PCDHA2: variants seen among roughly 807,000 people sequenced by gnomAD.
PCDHA2 encodes protocadherin alpha-2.
Under a neutral mutation model 66.0 loss-of-function variants are expected in PCDHA2, and 58 were observed. The ratio of observed to expected loss-of-function variants is 0.88; its 90% CI spans 0.71 to 1.09. PCDHA2 has a LOEUF of 1.09. PCDHA2 is among the 50% of genes least tolerant of loss of function. PCDHA2 has a pLI of 0.00. For missense variants in PCDHA2, 1,267 were observed against 1,242.3 expected (o/e 1.02, Z -0.30); for synonymous variants, 634 against 554.0 (o/e 1.14, Z -2.03).
chr5:140,915,960 G>A (rs1554197207), intron 1 of PCDHA2, among the ~76,000 whole-genome samples: 1 of 152,112 alleles, frequency 6.6e-6, no homozygotes, highest in Admixed American at 6.5e-5. Flanking sequence ...TTAGAAATTT[G>A]CCTGATATTT....
intron 1 of PCDHA2, among the ~76,000 whole-genome samples, chr5:140,886,431 ATTTG>A (rs1272820447): frequency 6.6e-6 from 1 of 152,012 alleles, no homozygotes; most frequent in East Asian, 1.9e-4. Context: ...ATTTCTATTC[ATTTG>A]TTTGTACTAA....
At chr5:140,877,155 C>T in intron 1 of PCDHA2, 2 of 1,613,798 alleles carry the variant, frequency 1.2e-6, no homozygotes, top group Non-Finnish European at 1.7e-6. Context: ...AGAACGACAA[C>T]GCGCCGGCAC....
chr5:140,886,956 A>T (rs1007882657), intron 1 of PCDHA2, among the ~76,000 whole-genome samples: 1 of 152,090 alleles, frequency 6.6e-6, no homozygotes, highest in Non-Finnish European at 1.5e-5. Context: ...TTAGACATTT[A>T]GCAACGAAAT....
intron 1 of PCDHA2, chr5:140,866,970 A>T (rs545469392): frequency 6.6e-6 from 1 of 152,296 alleles, no homozygotes; most frequent in African/African-American, 2.4e-5. Flanking sequence ...GTGACATCTG[A>T]AATATCACAG....
At chr5:140,975,938 T>C (rs2096690603) in intron 1 of PCDHA2, among the ~76,000 whole-genome samples, 1 of 152,160 alleles carries the variant, frequency 6.6e-6, no homozygotes, top group Admixed American at 6.5e-5. Context: ...TTTGAAGCAA[T>C]AGGACATATT....
chr5:140,808,972 C>T, intron 1 of PCDHA2: 1 of 1,613,608 alleles, frequency 6.2e-7, no homozygotes, highest in Admixed American at 1.7e-5. Flanking sequence ...CAAAGGTGCG[C>T]GCGGTGGATG....
chr5:140,820,061 G>T (rs1163910320), intron 1 of PCDHA2, among the ~76,000 whole-genome samples: 1 of 151,854 alleles, frequency 6.6e-6, no homozygotes, highest in Non-Finnish European at 1.5e-5. Context: ...ATAGAAAGTG[G>T]CTAACATCAG....
At chr5:140,893,657 A>T (rs1046030357) in intron 1 of PCDHA2, among the ~76,000 whole-genome samples, 19 of 152,126 alleles carry the variant, frequency 1.2e-4, no homozygotes, top group Non-Finnish European at 2.2e-4. Context: ...TGATAGTTTT[A>T]AAAAATTTCA....
intron 3 of PCDHA2, among the ~76,000 whole-genome samples, chr5:141,002,404 C>T (rs1167193365): frequency 2.0e-5 from 3 of 152,200 alleles, no homozygotes; most frequent in African/African-American, 7.2e-5. Context: ...CTCTGTGCCT[C>T]CCAAATAGTA....
At chr5:140,896,673 G>A (rs962137649) in intron 1 of PCDHA2, among the ~76,000 whole-genome samples, 12 of 152,000 alleles carry the variant, frequency 7.9e-5, no homozygotes, top group Admixed American at 2.6e-4. Context: ...CACTGTGCCC[G>A]GCCCTTTGCC....
chr5:140,816,917 T>A (rs1190742888), intron 1 of PCDHA2: 1 of 152,158 alleles, frequency 6.6e-6, no homozygotes, highest in Non-Finnish European at 1.5e-5. Context: ...AGTTATAGAT[T>A]CTGCTGAATC....
intron 1 of PCDHA2, chr5:140,857,810 C>T (rs1411794040): frequency 1.9e-6 from 3 of 1,597,674 alleles, no homozygotes; most frequent in Non-Finnish European, 2.6e-6. Context: ...GGTTGCGGGT[C>T]ACGTGGTGGC....
rs187034758 is a variant in PCDHA2 at position 140,897,376 on chromosome 5, C to G, written c.2389-81573C>G. 8.0e-3 allele frequency among the ~76,000 whole-genome samples: 1,079 copies of G among 134,538 alleles called. 8 individuals are homozygous for G. Among genetic ancestry groups the G allele is most frequent in the Non-Finnish European group, 0.013 (863 of 65,384 alleles). 88.3% of individuals were successfully genotyped at this position (134,538 alleles called of 152,430 possible). A position where few individuals can be genotyped will look rare whatever the true frequency, so the allele number is the denominator to read the frequency against. ...TGTCCCCAGAGTGTGATGTTCCCTT[C>G]CCCTTCCTGTGTCCATGTGTTCTCA... On this transcript the variant is annotated intron_variant, in intron 1 of 3. Coordinates refer to ENST00000526136, the MANE Select transcript of PCDHA2 (RefSeq NM_018905.3).
chr5:140,877,561 A>G (rs1582392588), intron 1 of PCDHA2: 1 of 1,613,748 alleles, frequency 6.2e-7, no homozygotes. Flanking sequence ...GGTGGATATT[A>G]ACGTGTACCT....
At chr5:140,903,687 T>C (rs1554191081) in intron 1 of PCDHA2, among the ~76,000 whole-genome samples, 1 of 152,228 alleles carries the variant, frequency 6.6e-6, no homozygotes, top group Non-Finnish European at 1.5e-5. Context: ...GTTTGGTAAA[T>C]AGTTTAAAAT....
intron 1 of PCDHA2, chr5:140,801,855 C>T (rs782570230): frequency 3.7e-6 from 6 of 1,613,936 alleles, no homozygotes; most frequent in Non-Finnish European, 5.1e-6. Context: ...TGGTGGGAAA[C>T]CAGAGCTCAC....
intron 1 of PCDHA2, among the ~76,000 whole-genome samples, chr5:140,923,931 A>T (rs1216808903): frequency 2.6e-5 from 4 of 152,118 alleles, no homozygotes; most frequent in Non-Finnish European, 4.4e-5. Flanking sequence ...CTCTGTATGC[A>T]TTTTTCCTTT....
rs1404224188 is a variant in PCDHA2, at chr5:140,796,583, C to A, written c.1619C>A (p.Ala540Glu). The A allele has an allele frequency of 3.1e-6, 5 of 1,612,538 alleles. No homozygotes were observed. The highest frequency in any genetic ancestry group is 3.4e-6 in the Non-Finnish European group (4 of 1,179,694). The stretch of plus-strand genomic sequence containing the variant: ...CAGTTCCAGGTGAGCGCGCGGGATG[C>A]GGGCGTGCCGCCTCTGGGCAGCAAC... ...LLQFQVSARD[A>E]GVPPLGSNVT... Residue 540 changes from alanine to glutamate, a missense_variant, in exon 1 of 4, where the codon GCG (alanine) becomes GAG (glutamate). Coordinates refer to ENST00000526136, the MANE Select transcript of PCDHA2 (RefSeq NM_018905.3).
chr5:140,868,853 G>C, intron 1 of PCDHA2: 1 of 466,576 alleles, frequency 2.1e-6, no homozygotes, highest in Non-Finnish European at 3.6e-6. Flanking sequence ...AAATTCTGTG[G>C]TGGTAAATGC....
Sources: gnomAD v4.1 joint callset for allele counts (sites outside exome capture counted in the v4.1 genomes callset) on GRCh38, gnomAD v4.1.1 for gene constraint, MANE v1.5 for transcripts, NCBI Gene and HGNC (gene_info 2026-07-23, HGNC 2026-07-21) for gene names.